Variants in DIABLO observed in about 807,000 individuals in gnomAD.
DIABLO encodes diablo homolog, mitochondrial.
In DIABLO, 32 loss-of-function variants were observed where a neutral mutation model predicts 31.7. The ratio of observed to expected loss-of-function variants is 1.01; its 90% CI spans 0.76 to 1.35. The LOEUF is 1.35. Among genes scored for constraint, DIABLO ranks in the 40% most tolerant of loss-of-function variants. The pLI is 0.00. For missense variants in DIABLO, 316 were observed against 286.4 expected (o/e 1.10, Z -0.75); for synonymous variants, 132 against 103.2 (o/e 1.28, Z -1.69).
At chr12:122,226,229 G>A, upstream of DIABLO, 1 of 782,096 alleles carries the variant, frequency 1.3e-6, no homozygotes, top group Non-Finnish European at 2.2e-6. Context: ...GAACTTCCGC[G>A]CGGGGCGGGG....
At chr12:122,218,229 C>A in intron 3 of DIABLO, 37 bp downstream of exon 3, 1 of 1,613,086 alleles carries the variant, frequency 6.2e-7, no homozygotes, top group South Asian at 1.1e-5. Context: ...TTTGCTAAAC[C>A]ATGGTTTAGA....
chr12:122,225,173 A>G (rs1158813182), intron 1 of DIABLO: 1 of 259,506 alleles, frequency 3.9e-6, no homozygotes, highest in African/African-American at 2.3e-5. Context: ...AGAGCGCCCC[A>G]CTGCACTTCA....
chr12:122,221,113 G>A (rs1220457763), intron 2 of DIABLO: 1 of 152,160 alleles, frequency 6.6e-6, no homozygotes, highest in Non-Finnish European at 1.5e-5. Flanking sequence ...TGACTCAGGA[G>A]GGTGCCAAAG....
intron 2 of DIABLO, among the ~76,000 whole-genome samples, chr12:122,223,375 A>G (rs1223289589): frequency 6.6e-6 from 1 of 151,698 alleles, no homozygotes; most frequent in Non-Finnish European, 1.5e-5. Context: ...CGGAGGTTGC[A>G]GTGAGCCAAG....
chr12:122,208,652 G>A (rs1953999317), intron 5 of DIABLO, 75 bp from the exon 6 acceptor site: 1 of 1,493,054 alleles, frequency 6.7e-7, no homozygotes, highest in Non-Finnish European at 9.1e-7. Context: ...TGGCCTGGGG[G>A]TGCTGTGGCT....
In DIABLO at chr12:122,208,375, A is replaced by G; in HGVS notation, c.*6T>C. 6.2e-7 allele frequency: 1 copy of G among 1,611,620 alleles called. No individual in the cohort carries two copies. The highest frequency in any genetic ancestry group is 8.5e-7 in the Non-Finnish European group (1 of 1,179,946). ...AGTGGGGAGACAGGGCAGTGTGCTC[A>G]GGCCCTCAATCCTCACGCAGGTAGG... On this transcript the variant is annotated 3_prime_UTR_variant, in exon 6 of 6. Transcript: ENST00000464942.
At chr12:122,219,132 C>G (rs1954280598) in intron 2 of DIABLO, among the ~76,000 whole-genome samples, 1 of 151,650 alleles carries the variant, frequency 6.6e-6, no homozygotes, top group African/African-American at 2.4e-5. Context: ...ACTTGGGAGG[C>G]TGAGGCAGAA....
chr12:122,217,537 A>G (rs531191938), intron 3 of DIABLO: 12 of 155,026 alleles, frequency 7.7e-5, no homozygotes, highest in African/African-American at 2.9e-4. Flanking sequence ...TATTTTTTAC[A>G]AACAGGATGC....
intron 5 of DIABLO, among the ~76,000 whole-genome samples, chr12:122,211,595 G>C (rs1200503825): frequency 1.3e-5 from 2 of 151,798 alleles, no homozygotes; most frequent in Non-Finnish European, 2.9e-5. Flanking sequence ...GAAATGGGAA[G>C]ATGGCTTGAG....
chr12:122,219,546 A>G (rs770200807), intron 2 of DIABLO, among the ~76,000 whole-genome samples: 1 of 152,072 alleles, frequency 6.6e-6, no homozygotes, highest in Non-Finnish European at 1.5e-5. Context: ...CACAAGTTTG[A>G]TGAGGATTAA....
chr12:122,215,670 A>T (rs887615582), intron 5 of DIABLO, among the ~76,000 whole-genome samples: 1 of 151,966 alleles, frequency 6.6e-6, no homozygotes, highest in Non-Finnish European at 1.5e-5. Context: ...ATGTTCTATG[A>T]TGGGCACCTT....
At chr12:122,224,827 G>T in intron 1 of DIABLO, 183 bp from the exon 2 acceptor site, 1 of 1,516,184 alleles carries the variant, frequency 6.6e-7, no homozygotes, top group East Asian at 2.5e-5. Context: ...CTCAGGCAGG[G>T]TGTTGGTGGC....
chr12:122,223,992 G>A (rs1476163452), intron 2 of DIABLO, among the ~76,000 whole-genome samples: 1 of 152,106 alleles, frequency 6.6e-6, no homozygotes, highest in Non-Finnish European at 1.5e-5. Flanking sequence ...TAGAGACAGA[G>A]TCTCCCTATG....
intron 3 of DIABLO, among the ~76,000 whole-genome samples, chr12:122,217,976 C>G (rs1348202603): frequency 2.5e-5 from 3 of 121,566 alleles, no homozygotes; most frequent in Non-Finnish European, 4.9e-5. Context: ...TAAGATTTTT[C>G]TGTAAAAAAA....
At chr12:122,218,982 C>G (rs569833446) in intron 2 of DIABLO, among the ~76,000 whole-genome samples, 51 of 131,174 alleles carry the variant, frequency 3.9e-4, no homozygotes, top group African/African-American at 1.4e-3. Flanking sequence ...CGCCTGTAAT[C>G]CCAGCACTTT....
intron 2 of DIABLO, among the ~76,000 whole-genome samples, chr12:122,223,365 C>T (rs188450214): frequency 1.3e-5 from 2 of 150,044 alleles, no homozygotes; most frequent in East Asian, 2.0e-4. Flanking sequence ...ACCTGGGAGG[C>T]GGAGGTTGCA....
At chr12:122,211,068 A>G (rs1829958139) in intron 5 of DIABLO, among the ~76,000 whole-genome samples, 2 of 102,174 alleles carry the variant, frequency 2.0e-5, no homozygotes, top group South Asian at 7.7e-4. Context: ...TCCTTTGTTT[A>G]GTTAAAAGTA....
At chr12:122,213,083 G>T (rs1415539395) in intron 5 of DIABLO, among the ~76,000 whole-genome samples, 1 of 151,994 alleles carries the variant, frequency 6.6e-6, no homozygotes, top group Non-Finnish European at 1.5e-5. Context: ...ACCATGCCTG[G>T]CTAATTTTTT....
intron 1 of DIABLO, 195 bp from the exon 2 acceptor site, chr12:122,224,839 C>T: frequency 2.7e-6 from 4 of 1,503,860 alleles, no homozygotes; most frequent in Non-Finnish European, 3.6e-6. Context: ...GTTGGTGGCT[C>T]ACGCCTGTAA....
Sources: gnomAD v4.1 joint callset for allele counts (sites outside exome capture counted in the v4.1 genomes callset) on GRCh38, gnomAD v4.1.1 for gene constraint, MANE v1.5 for transcripts, NCBI Gene and HGNC (gene_info 2026-07-23, HGNC 2026-07-21) for gene names.